The following ITPK1 variants were observed in gnomAD, a reference collection of about 807,000 sequenced individuals.
ITPK1 encodes inositol 1,3,4-trisphosphate 5/6-kinase.
A neutral mutation model predicts 45.3 loss-of-function variants in ITPK1; 21 were observed. The observed-to-expected ratio is 0.46, with a 90% CI of 0.33 to 0.67. ITPK1 has a LOEUF of 0.67. Ranked by LOEUF, ITPK1 falls within the 30% of genes least tolerant of loss-of-function variation. ITPK1 has a pLI of 0.02. For missense variants in ITPK1, 474 were observed against 573.5 expected (o/e 0.83, Z 1.77); for synonymous variants, 258 against 253.6 (o/e 1.02, Z -0.16).
intron 5 of ITPK1, among the ~76,000 whole-genome samples, chr14:92,985,341 C>T (rs1886441264): frequency 6.6e-6 from 1 of 152,036 alleles, no homozygotes; most frequent in Admixed American, 6.6e-5. Flanking sequence ...TCAATGTGAA[C>T]TTCCTGGTTT....
At chr14:92,951,543 C>T (rs61427109) in intron 9 of ITPK1, among the ~76,000 whole-genome samples, 21,951 of 152,162 alleles carry the variant, frequency 0.14, 2,019 homozygotes, top group African/African-American at 0.26. Context: ...CTCAGGACCA[C>T]TGCAGGACAA....
At position 92,958,280 on chromosome 14, in the gene ITPK1, C is replaced by T. The variant is rs2139732086; in HGVS notation, c.591G>A (p.Leu197=). 4 of 1,613,798 alleles carry T rather than the reference C, an allele frequency of 2.5e-6. No homozygotes were observed. The highest frequency in any genetic ancestry group is 3.4e-6 in the Non-Finnish European group (4 of 1,179,926). Residue 197 remains leucine (L), a synonymous_variant, in exon 8 of 11, where the codon CTG becomes CTA. Coordinates refer to ENST00000267615, the MANE Select transcript of ITPK1 (RefSeq NM_014216.6). The surrounding 1 kb of genome is among the most constrained non-coding windows in gnomAD (Gnocchi z 4.4). ...ACTCGCCAACCACGAACACCTTGTA[C>T]AGGACGGCGTTGTGGTTGATGAAAT... ...VQNFINHNAV[L]YKVFVVGESY... is the part of the protein sequence containing the mutation.
At chr14:92,986,669 G>T (rs994706872) in intron 5 of ITPK1, among the ~76,000 whole-genome samples, 1 of 152,156 alleles carries the variant, frequency 6.6e-6, no homozygotes, top group Admixed American at 6.5e-5. Context: ...GCGCTGGAGG[G>T]GTTGGTGGGC....
In ITPK1 at chr14:93,034,681, A is replaced by G. The variant is rs8006385; in HGVS notation, c.121-17880T>C. 0.13 allele frequency among the ~76,000 whole-genome samples: 20,066 copies of G among 152,286 alleles called. 1,493 individuals are homozygous for G. The highest frequency in any genetic ancestry group is 0.26 in the South Asian group (1,259 of 4,830). On this transcript the variant is annotated intron_variant, in intron 3 of 10. Transcript: ENST00000267615. This position sits in a 1 kb window ranked among gnomAD's most constrained non-coding sequence, Gnocchi z 4.1. ...TGGGCACATAATGACCCACCAAGCA[A>G]GGGAGAAGCAGACACTGAGATGGAA...
intron 3 of ITPK1, among the ~76,000 whole-genome samples, chr14:93,019,157 C>T (rs1465939524): frequency 6.6e-6 from 1 of 152,192 alleles, no homozygotes; most frequent in African/African-American, 2.4e-5. Context: ...AACGAGAGGC[C>T]AAGACAGCTA....
intron 3 of ITPK1, among the ~76,000 whole-genome samples, chr14:93,037,558 T>C (rs543527214): frequency 7.2e-5 from 11 of 152,208 alleles, no homozygotes; most frequent in African/African-American, 2.6e-4. Context: ...TGGCTCCCAC[T>C]TCACAACGGG....
intron 5 of ITPK1, among the ~76,000 whole-genome samples, chr14:92,986,714 G>T (rs1208010134): frequency 6.6e-6 from 1 of 152,184 alleles, no homozygotes; most frequent in Non-Finnish European, 1.5e-5. Context: ...TTGCTGGGGA[G>T]CGGGTCCCTG....
At chr14:93,066,302 G>C (rs573289501) in intron 3 of ITPK1, 49 of 452,654 alleles carry the variant, frequency 1.1e-4, no homozygotes, top group African/African-American at 1.0e-3. Context: ...GTGTGTGCGC[G>C]TGCATGTGTG....
intron 3 of ITPK1, among the ~76,000 whole-genome samples, chr14:93,044,348 T>C (rs749083464): frequency 3.0e-5 from 2 of 66,554 alleles, no homozygotes; most frequent in African/African-American, 6.9e-5. Context: ...TCCAACCCCC[T>C]CCGCAGAGAT....
At chr14:93,035,717 C>A (rs1405093919) in intron 3 of ITPK1, among the ~76,000 whole-genome samples, 2 of 152,190 alleles carry the variant, frequency 1.3e-5, no homozygotes, top group African/African-American at 4.8e-5. Flanking sequence ...CATGGCTGTC[C>A]AGGGCCTGGT....
At chr14:93,025,974 A>T (rs993625781) in intron 3 of ITPK1, among the ~76,000 whole-genome samples, 1 of 152,186 alleles carries the variant, frequency 6.6e-6, no homozygotes, top group Non-Finnish European at 1.5e-5. Flanking sequence ...AAAATATAAA[A>T]AATTAGCCGG....
At chr14:93,028,393 T>C (rs562251302) in intron 3 of ITPK1, among the ~76,000 whole-genome samples, 1 of 152,304 alleles carries the variant, frequency 6.6e-6, no homozygotes, top group South Asian at 2.1e-4. Context: ...GCTCAGCCTG[T>C]TGACGAGCTC....
intron 9 of ITPK1, among the ~76,000 whole-genome samples, chr14:92,946,767 C>T (rs1048515140): frequency 5.3e-5 from 8 of 152,248 alleles, no homozygotes; most frequent in African/African-American, 1.9e-4. Flanking sequence ...ACAGGGAAAC[C>T]GGAGCTCAGA....
At chr14:93,010,652 A>G (rs371593021) in intron 4 of ITPK1, among the ~76,000 whole-genome samples, 1 of 152,220 alleles carries the variant, frequency 6.6e-6, no homozygotes, top group African/African-American at 2.4e-5. Context: ...ACTGACTCCA[A>G]TTAGGACTGA....
intron 3 of ITPK1, among the ~76,000 whole-genome samples, chr14:93,057,459 C>T (rs1346764341): frequency 2.0e-5 from 3 of 152,200 alleles, no homozygotes; most frequent in East Asian, 3.8e-4. Context: ...GCCCAGGGGG[C>T]GAGAGGCCTC....
intron 3 of ITPK1, chr14:93,068,778 C>A (rs1246694904): frequency 6.6e-6 from 1 of 152,190 alleles, no homozygotes; most frequent in Non-Finnish European, 1.5e-5. Context: ...ACCTAAATAA[C>A]AAGTACATTT....
rs185057690 is a variant in ITPK1 at position 93,014,575 on chromosome 14, T to C, written c.246+2101A>G. ...CCCAAGGAGGAAGGAACTGAGGCTGTGGGGAGGCACGCGGTTCCTAAGTTT... is the reference window on the plus strand; with the variant it reads ...CCCAAGGAGGAAGGAACTGAGGCTGCGGGGAGGCACGCGGTTCCTAAGTTT... On this transcript the variant is annotated intron_variant, in intron 4 of 10. Transcript: ENST00000267615. The surrounding 1 kb of genome is among the most constrained non-coding windows in gnomAD (Gnocchi z 4.4). Among the ~76,000 whole-genome samples the C allele has an allele frequency of 6.6e-5, 10 of 152,294 alleles. No homozygotes were observed. In the East Asian group the frequency reaches 1.9e-3, roughly 29 times the overall value.
At chr14:93,069,772 G>C (rs1319243330) in intron 3 of ITPK1, 1 of 152,206 alleles carries the variant, frequency 6.6e-6, no homozygotes, top group African/African-American at 2.4e-5. Context: ...CCTTTTCTTG[G>C]TGGTTTGATG....
At chr14:92,981,837 G>T (rs145351458) in intron 5 of ITPK1, among the ~76,000 whole-genome samples, 1 of 152,358 alleles carries the variant, frequency 6.6e-6, no homozygotes, top group Admixed American at 6.5e-5. Context: ...TGAGGCCCAC[G>T]CAGGGAAGGG....
Sources: allele counts gnomAD v4.1 joint callset (sites outside exome capture counted in the v4.1 genomes callset), GRCh38; gene constraint gnomAD v4.1.1; non-coding constraint Gnocchi (gnomAD v3.1); transcripts MANE v1.5; gene names NCBI Gene and HGNC (gene_info 2026-07-23, HGNC 2026-07-21).